The following CLCN7 variants were observed in gnomAD, a reference collection of about 807,000 sequenced individuals.
The protein encoded by CLCN7 is Cl-/H+ antiporter 7, also known as H(+)/Cl(-) exchange transporter 7.
Under a neutral mutation model 102.1 loss-of-function variants are expected in CLCN7, and 60 were observed. The ratio of observed to expected loss-of-function variants is 0.59; its 90% CI spans 0.48 to 0.73. CLCN7 has a LOEUF of 0.73. Among genes scored for constraint, CLCN7 ranks in the 30% least tolerant of loss-of-function variants. CLCN7 has a pLI of 0.00. For missense variants in CLCN7, 962 were observed against 1,125.7 expected, an observed-to-expected ratio of 0.85 and a Z score of 2.08; for synonymous variants, 560 against 490.5, an observed-to-expected ratio of 1.14 and a Z score of -1.87.
At position 1,449,049 on chromosome 16, in the gene CLCN7, C is replaced by T; in HGVS notation, c.1714G>A (p.Glu572Lys). 1 of 1,612,854 alleles carries T rather than the reference C, an allele frequency of 6.2e-7. No individual in the cohort carries two copies. Among genetic ancestry groups the T allele is most frequent in the South Asian group, 1.1e-5 (1 of 91,088 alleles). The change falls in exon 19 of 25, where the codon GAG (glutamate) becomes AAG (lysine). Residue 572 changes from glutamate to lysine, a missense_variant. By Grantham distance (56) the Glu-to-Lys change is moderately conservative. Transcript: ENST00000382745. ...MTLSLTVIMM[E>K]ATSNVTYGFP... ...CCGTAGGTCACGTTGCTGGTGGCCT[C>T]CATCATGATGACGGTCAGGCTCAGT... is the stretch of plus-strand genomic sequence containing the variant.
At chr16:1,446,781 T>G in intron 24 of CLCN7, 64 bp from the exon 25 acceptor site, 2 of 1,386,886 alleles carry the variant, frequency 1.4e-6, no homozygotes, top group South Asian at 2.5e-5. Context: ...TGGAGCTCCC[T>G]GCCTTGTGTG....
chr16:1,458,176 GC>G (rs1244577420), intron 7 of CLCN7, among the ~76,000 whole-genome samples: 11 of 152,234 alleles, frequency 7.2e-5, no homozygotes, highest in Non-Finnish European at 1.5e-5. Flanking sequence ...GCTCCACGAT[GC>G]CCCCTCTCCC....
At chr16:1,470,480 G>C (rs1043216069) in intron 1 of CLCN7, among the ~76,000 whole-genome samples, 2 of 152,210 alleles carry the variant, frequency 1.3e-5, no homozygotes, top group African/African-American at 4.8e-5. Flanking sequence ...GGGGGATGGG[G>C]GTTACAGTCA....
In CLCN7 at chr16:1,460,800, G is replaced by T. The variant is rs377358040; in HGVS notation, c.484+16C>A. The T allele has an allele frequency of 6.2e-7, 1 of 1,613,880 alleles. No individual in the cohort carries two copies. Among genetic ancestry groups the T allele is most frequent in the South Asian group, 1.1e-5 (1 of 91,082 alleles). On this transcript the variant is annotated intron_variant, in intron 5 of 24. Transcript: ENST00000382745. ...GCCCCCCTCCCAAGCTGCAGCGGCC[G>T]CACTGGGAAGGATACTGCCCTTGAT... is the stretch of plus-strand genomic sequence containing the variant.
At chr16:1,446,785 T>G (rs2038652311) in intron 24 of CLCN7, 68 bp from the exon 25 acceptor site, 3 of 1,375,278 alleles carry the variant, frequency 2.2e-6, no homozygotes, top group Non-Finnish European at 3.0e-6. Context: ...GCTCCCTGCC[T>G]TGTGTGTGGC....
intron 17 of CLCN7, chr16:1,449,635 C>G (rs982691178): frequency 2.2e-6 from 1 of 452,548 alleles, no homozygotes; most frequent in African/African-American, 2.5e-5. Context: ...AGGAGTGAAA[C>G]CCCGGCACAC....
At chr16:1,471,409 T>C (rs966165821) in intron 1 of CLCN7, among the ~76,000 whole-genome samples, 1 of 152,152 alleles carries the variant, frequency 6.6e-6, no homozygotes, top group African/African-American at 2.4e-5. Context: ...TCTGGAGGCC[T>C]TGAACCCAAG....
rs1254191319 is a variant in CLCN7, at chr16:1,461,051, G to A, written c.352-103C>T. On this transcript the variant is annotated intron_variant, in intron 4 of 24. Transcript: ENST00000382745. ...GCCTGCAGGCCCCGGGATTATGAAG[G>A]GCCCAGTGTGCACGGTGCGCTGAGT... 4 of 1,438,984 alleles carry A rather than the reference G, an allele frequency of 2.8e-6. No homozygotes were observed. The Admixed American group carries it at 5.9e-5, about 21-fold the overall frequency. 89.1% of individuals were successfully genotyped at this position (1,438,984 alleles called of 1,614,324 possible).
At chr16:1,452,656 C>G in intron 15 of CLCN7, 99 bp downstream of exon 15, 4 of 1,306,498 alleles carry the variant, frequency 3.1e-6, no homozygotes, top group Non-Finnish European at 4.2e-6. Flanking sequence ...TGGAACTCGG[C>G]GGGGTGGGCA....
intron 1 of CLCN7, 54 bp downstream of exon 1, chr16:1,474,780 G>A (rs1427470713): frequency 1.6e-6 from 2 of 1,231,894 alleles, no homozygotes; most frequent in African/African-American, 1.6e-5. Flanking sequence ...GAGGGCGCGG[G>A]CTGCGGGGCG....
intron 2 of CLCN7, among the ~76,000 whole-genome samples, chr16:1,464,723 C>T (rs2038981487): frequency 1.3e-5 from 2 of 152,214 alleles, no homozygotes; most frequent in South Asian, 4.1e-4. Flanking sequence ...ACAGGAGTCC[C>T]GCACAGACAT....
chr16:1,466,172 G>A (rs771636332), intron 1 of CLCN7, among the ~76,000 whole-genome samples: 42 of 152,246 alleles, frequency 2.8e-4, no homozygotes, highest in Non-Finnish European at 3.2e-4. Context: ...CAGAGAGCCC[G>A]TGCGCCTGTC....
rs765189288 is a variant in CLCN7, at chr16:1,461,646, T to C, written c.242A>G (p.Lys81Arg). The change falls in exon 3 of 25, where the codon AAG (lysine) becomes AGG (arginine). Residue 81 changes from lysine (K) to arginine (R), a missense_variant. Around this residue, in one of 2 missense-constraint regions of CLCN7, gnomAD observed 163 missense variants for 137.7 expected, o/e 1.18. Coordinates refer to ENST00000382745, the MANE Select transcript of CLCN7 (RefSeq NM_001287.6). ...PDMDPPHPFP[K>R]EIPHNEKLLS... ...GAGCTTCTCGTTGTGTGGGATCTCC[T>C]TGGGGAAGGGATGTGGAGGGTCCAT... The C allele has an allele frequency of 4.3e-6, 7 of 1,614,014 alleles. No homozygotes were observed. In the East Asian group the frequency reaches 1.1e-4, roughly 26 times the overall value.
rs1486424529 is a variant in CLCN7, at chr16:1,452,770, C to A, written c.1338G>T (p.Met446Ile). 4.4e-6 allele frequency: 7 copies of A among 1,603,912 alleles called. No individual in the cohort carries two copies. Among genetic ancestry groups the A allele is most frequent in the Non-Finnish European group, 6.0e-6 (7 of 1,175,876 alleles). Reference sequence around the variant, plus strand: ...AGCCTCCCACCTGCAGCGGGTAGGACATGGAGCCCCCCTGCAGGGGCTGGC... The same window carrying A: ...AGCCTCCCACCTGCAGCGGGTAGGAAATGGAGCCCCCCTGCAGGGGCTGGC... ...RDCQPLQGGS[M>I]SYPLQLFCAD... is the part of the protein sequence containing the mutation. The change falls in exon 15 of 25, where the codon ATG becomes ATT. Residue 446 changes from methionine to isoleucine, a missense_variant. Met to Ile is a conservative substitution (Grantham distance 10). Around this residue, in one of 2 missense-constraint regions of CLCN7, gnomAD observed 799 missense variants for 988.0 expected, o/e 0.81. Transcript: ENST00000382745.
At position 1,455,807 on chromosome 16, in the gene CLCN7, G is replaced by A. The variant is rs755933276; in HGVS notation, c.917-12C>T. ...GAACAGGACCCCACCTGGAAGGCAGGCGGCCGGCTCGGGTGCCAGCTGGAC... is the reference window on the plus strand; with the variant it reads ...GAACAGGACCCCACCTGGAAGGCAGACGGCCGGCTCGGGTGCCAGCTGGAC... On this transcript the variant is annotated splice_polypyrimidine_tract_variant and intron_variant, in intron 10 of 24. Transcript: ENST00000382745. 4.3e-6 allele frequency: 7 copies of A among 1,612,822 alleles called. No individual in the cohort carries two copies. The highest frequency in any genetic ancestry group is 2.2e-5 in the East Asian group (1 of 44,894).
In CLCN7 at chr16:1,457,869, G is replaced by A. The variant is rs964730173; in HGVS notation, c.676-113C>T. ...TCAGGCAGAGTGGCTGGGACACGGG[G>A]CCTCCGGGAGGGGGCCAGCACCCCC... On this transcript the variant is annotated intron_variant, in intron 7 of 24. Coordinates refer to ENST00000382745, the MANE Select transcript of CLCN7 (RefSeq NM_001287.6). The surrounding 1 kb of genome is among the most constrained non-coding windows in gnomAD (Gnocchi z 5.4). The A allele has an allele frequency of 2.5e-5, 27 of 1,065,960 alleles. No individual in the cohort carries two copies. Among genetic ancestry groups the A allele is most frequent in the South Asian group, 1.0e-4 (8 of 77,474 alleles). 66.0% of individuals were successfully genotyped at this position (1,065,960 alleles called of 1,614,324 possible). A position where few individuals can be genotyped will look rare whatever the true frequency, so the allele number is the denominator to read the frequency against.
intron 6 of CLCN7, 70 bp from the exon 7 acceptor site, chr16:1,459,257 G>T (rs141868380): frequency 2.2e-6 from 3 of 1,375,270 alleles, no homozygotes; most frequent in Non-Finnish European, 3.1e-6. Context: ...TCAGCCCCAG[G>T]AGCCCCAGGA....
At chr16:1,470,835 C>A (rs1410520353) in intron 1 of CLCN7, among the ~76,000 whole-genome samples, 4 of 152,210 alleles carry the variant, frequency 2.6e-5, no homozygotes, top group African/African-American at 7.2e-5. Flanking sequence ...CAGTCCCACA[C>A]TAACCCAGAC....
chr16:1,455,609 A>G lies in CLCN7; in HGVS notation c.981+122T>C, dbSNP rs1221873434. The G allele has an allele frequency of 2.2e-5, 23 of 1,067,416 alleles. No homozygotes were observed. The Middle Eastern group carries it at 7.8e-4, about 36-fold the overall frequency. The allele number at this position is 1,067,416 out of a possible 1,614,324, so 66.1% of individuals were successfully genotyped here. On this transcript the variant is annotated intron_variant, in intron 11 of 24. Transcript: ENST00000382745. ...GCTTTGGGCAGGACCAAGGCCTGAC[A>G]GACCCACAGGGGGTCCAGCTCCAGC...
Sources: allele counts gnomAD v4.1 joint callset (sites outside exome capture counted in the v4.1 genomes callset), GRCh38; gene constraint gnomAD v4.1.1; regional missense constraint gnomAD v4.1.1; non-coding constraint Gnocchi (gnomAD v3.1); transcripts MANE v1.5; gene names NCBI Gene and HGNC (gene_info 2026-07-23, HGNC 2026-07-21).